Variants in WDR7 observed in about 807,000 individuals in gnomAD.
WDR7 encodes WD repeat-containing protein 7.
Under a neutral mutation model 169.4 loss-of-function variants are expected in WDR7, and 46 were observed. That is an observed-to-expected ratio of 0.27 (90% confidence interval 0.21 to 0.35). The LOEUF is 0.35. Among genes scored for constraint, WDR7 ranks in the 10% least tolerant of loss-of-function variants. The pLI, the probability that WDR7 is intolerant of heterozygous loss-of-function variation, is 1.00. For missense variants in WDR7, 1,534 were observed against 1,859.3 expected, an observed-to-expected ratio of 0.83 and a Z score of 3.22; for synonymous variants, 612 against 666.8, an observed-to-expected ratio of 0.92 and a Z score of 1.27.
intron 26 of WDR7, among the ~76,000 whole-genome samples, chr18:57,004,498 G>A (rs990842462): frequency 5.9e-5 from 9 of 152,010 alleles, no homozygotes; most frequent in African/African-American, 1.7e-4. Context: ...TCTATCTGTC[G>A]CATTGTTCCT....
intron 21 of WDR7, among the ~76,000 whole-genome samples, chr18:56,906,139 C>T (rs1017831142): frequency 6.6e-6 from 1 of 152,098 alleles, no homozygotes; most frequent in Non-Finnish European, 1.5e-5. Flanking sequence ...CATAGCAGAT[C>T]TAAGAAATCG....
At chr18:56,711,574 A>T (rs2026086966) in intron 12 of WDR7, among the ~76,000 whole-genome samples, 1 of 152,150 alleles carries the variant, frequency 6.6e-6, no homozygotes, top group Non-Finnish European at 1.5e-5. Flanking sequence ...ATAAAGGAAG[A>T]CATTAAAACT....
At chr18:56,837,848 C>T (rs973434168) in intron 20 of WDR7, among the ~76,000 whole-genome samples, 17 of 151,916 alleles carry the variant, frequency 1.1e-4, no homozygotes, top group Admixed American at 3.3e-4. Flanking sequence ...TTAGTAGAGA[C>T]GGGGTTTCAC....
At chr18:56,938,829 G>GTGTA in intron 24 of WDR7, 147 bp downstream of exon 24, 2 of 923,446 alleles carry the variant, frequency 2.2e-6, no homozygotes, top group Admixed American at 3.2e-5. Context: ...GTGTGTGTGT[G>GTGTA]TGTGTGTGTG....
chr18:56,794,830 TATCA>T (rs1457104437), intron 19 of WDR7, among the ~76,000 whole-genome samples: 2 of 152,232 alleles, frequency 1.3e-5, no homozygotes, highest in Non-Finnish European at 2.9e-5. Context: ...ATAGAGTTTC[TATCA>T]ATCAATCATC....
At position 56,694,676 on chromosome 18, in the gene WDR7, A is replaced by G. The variant is rs776080188; in HGVS notation, c.1024A>G (p.Lys342Glu). 1.9e-6 allele frequency: 3 copies of G among 1,613,370 alleles called. No homozygotes were observed. The change falls in exon 10 of 28, where the codon AAA becomes GAA. Residue 342 changes from lysine (K) to glutamate (E), a missense_variant. By Grantham distance (56) the Lys-to-Glu change is moderately conservative (BLOSUM62 1). Transcript: ENST00000254442. ...CTATGGATGCAGAGAATATTTCCAT[A>G]AACTGTTAATTCAGGGTGATTCTTC... ...FFYGCREYFH[K>E]LLIQGDSSGR...
chr18:56,830,913 G>A (rs1194394402), intron 20 of WDR7, among the ~76,000 whole-genome samples: 1 of 152,242 alleles, frequency 6.6e-6, no homozygotes, highest in African/African-American at 2.4e-5. Flanking sequence ...CACCATGTTG[G>A]TCAGGCTGGT....
rs540485544 is a variant in WDR7, at chr18:56,755,912, A to G, written c.1990-671A>G. 5.3e-5 allele frequency among the ~76,000 whole-genome samples: 8 copies of G among 152,296 alleles called. No homozygotes were observed. In the South Asian group the frequency reaches 6.2e-4, roughly 12 times the overall value. ...ATTTTTCTTTCTATCTCGGGAAAAA[A>G]TAACAATGTCATATACTGCAAAGAC... On this transcript the variant is annotated intron_variant, in intron 14 of 27. Transcript: ENST00000254442.
intron 21 of WDR7, among the ~76,000 whole-genome samples, chr18:56,898,395 T>C (rs761176073): frequency 3.9e-5 from 6 of 152,102 alleles, no homozygotes; most frequent in Non-Finnish European, 8.8e-5. Context: ...GGGTGGATGT[T>C]AAAATCAGTA....
At chr18:56,781,812 A>G in intron 19 of WDR7, 156 bp downstream of exon 19, 1 of 892,054 alleles carries the variant, frequency 1.1e-6, no homozygotes, top group Admixed American at 4.2e-5. Context: ...TTATTTTCTG[A>G]ATCTCTGTAG....
At chr18:57,035,746 C>T in the WDR7 span, 1 of 152,250 alleles carries the variant, frequency 6.6e-6, no homozygotes, top group African/African-American at 2.4e-5. Context: ...TAATTAGTAG[C>T]AAGTTTGGAG....
At chr18:56,889,816 G>A (rs1404927565) in intron 21 of WDR7, among the ~76,000 whole-genome samples, 1 of 152,122 alleles carries the variant, frequency 6.6e-6, no homozygotes, top group Admixed American at 6.5e-5. Context: ...CTTTCATTTA[G>A]GAATGTGCTG....
rs538994646 is a variant in WDR7, at chr18:57,004,150, G to A, written c.4165-16595G>A. Among the ~76,000 whole-genome samples, 3 of 152,120 alleles carry A rather than the reference G, an allele frequency of 2.0e-5. No individual in the cohort carries two copies. The East Asian group carries it at 5.8e-4, about 29-fold the overall frequency. On this transcript the variant is annotated intron_variant, in intron 26 of 27. Transcript: ENST00000254442. ...CTTCTACCTGAGGTTATGGGTGTAG[G>A]AGGAGGTAAATGAATGTCTCCCTGA...
intron 25 of WDR7, among the ~76,000 whole-genome samples, chr18:56,941,199 T>G (rs1031141492): frequency 1.3e-5 from 2 of 151,998 alleles, no homozygotes; most frequent in African/African-American, 4.8e-5. Context: ...TATGCTGGAG[T>G]AGAATTACAT....
intron 26 of WDR7, among the ~76,000 whole-genome samples, chr18:56,977,452 A>C (rs1264840756): frequency 6.6e-6 from 1 of 152,192 alleles, no homozygotes; most frequent in Non-Finnish European, 1.5e-5. Flanking sequence ...CCATGGCTTC[A>C]TTGCACTGAG....
intron 26 of WDR7, among the ~76,000 whole-genome samples, chr18:56,990,078 A>G (rs1017150130): frequency 6.6e-6 from 1 of 152,162 alleles, no homozygotes; most frequent in Non-Finnish European, 1.5e-5. Flanking sequence ...TAAAAAGATT[A>G]GGCCATCCTA....
chr18:56,720,290 A>C (rs892491024), intron 13 of WDR7, among the ~76,000 whole-genome samples: 8 of 151,856 alleles, frequency 5.3e-5, no homozygotes, highest in Non-Finnish European at 2.9e-5. Flanking sequence ...CTACAAAAAA[A>C]AATACAAAAA....
intron 21 of WDR7, among the ~76,000 whole-genome samples, chr18:56,908,932 C>T (rs1555709425): frequency 6.6e-6 from 1 of 152,144 alleles, no homozygotes; most frequent in Non-Finnish European, 1.5e-5. Flanking sequence ...ATTTTCAAGT[C>T]TAAGTATAAT....
intron 22 of WDR7, among the ~76,000 whole-genome samples, chr18:56,933,709 T>C (rs1341594030): frequency 6.6e-6 from 1 of 152,208 alleles, no homozygotes; most frequent in African/African-American, 2.4e-5. Flanking sequence ...AGGTTAGCTG[T>C]CCTGAAAGAC....
Sources: gnomAD v4.1 joint callset for allele counts (sites outside exome capture counted in the v4.1 genomes callset) on GRCh38, gnomAD v4.1.1 for gene constraint, MANE v1.5 for transcripts, NCBI Gene and HGNC (gene_info 2026-07-23, HGNC 2026-07-21) for gene names.